NBPF26: variants seen among roughly 807,000 people sequenced by gnomAD.
NBPF26 encodes the protein NBPF family member NBPF26.
A neutral mutation model predicts 119.6 loss-of-function variants in NBPF26; 79 were observed. The ratio of observed to expected loss-of-function variants is 0.66; its 90% CI spans 0.55 to 0.80. The LOEUF is 0.80. NBPF26 is among the 30% of genes least tolerant of loss of function. The pLI is 0.00. For missense variants in NBPF26, 800 were observed against 1,198.2 expected, an observed-to-expected ratio of 0.67 and a Z score of 4.91; for synonymous variants, 299 against 457.7, an observed-to-expected ratio of 0.65 and a Z score of 4.43.
rs1310862933 is a variant in NBPF26, at chr1:120,792,530, C to T, written c.416-631C>T. Among the ~76,000 whole-genome samples the T allele has an allele frequency of 4.5e-5, 5 of 111,440 alleles. 1 individual carries two copies. The highest frequency in any genetic ancestry group is 2.1e-4 in the African/African-American group (4 of 19,064). The allele number at this position is 111,440 out of a possible 152,430, so 73.1% of individuals were successfully genotyped here. A position where few individuals can be genotyped will look rare whatever the true frequency, so the allele number is the denominator to read the frequency against. On this transcript the variant is annotated intron_variant, in intron 3 of 29. Transcript: ENST00000620612. ...GATTTTTTTTTTTTTGAAATAGAGT[C>T]TTGCTGTGTCGCCCAGGCTGGAGTG...
downstream of NBPF26, among the ~76,000 whole-genome samples, chr1:120,842,176 G>T (rs1232555494): frequency 1.0e-4 from 11 of 108,420 alleles, 3 homozygotes; most frequent in Admixed American, 1.8e-4. Context: ...ATTGGTTTTG[G>T]TGGGTACTGA....
chr1:120,747,433 A>G (rs1650989968), intron 1 of NBPF26, among the ~76,000 whole-genome samples: 1 of 28,798 alleles, frequency 3.5e-5, no homozygotes, highest in South Asian at 5.7e-4. Flanking sequence ...TTTTTCTGGC[A>G]TACTGTATAC....
intron 1 of NBPF26, among the ~76,000 whole-genome samples, chr1:120,745,134 CAA>C: frequency 1.2e-5 from 1 of 82,300 alleles, no homozygotes; most frequent in South Asian, 3.4e-4. Context: ...AAAAAAAAAA[CAA>C]AAAAAAAACA....
At chr1:120,808,373 C>A (rs1167207279) in intron 6 of NBPF26, among the ~76,000 whole-genome samples, 172 bp from the exon 7 acceptor site, 2 of 119,490 alleles carry the variant, frequency 1.7e-5, no homozygotes, top group East Asian at 4.1e-4. Context: ...CAGAGGAAGC[C>A]TGTAAACCAT....
rs1156714810 is a variant in NBPF26, at chr1:120,815,229, T to A, written c.2092+186T>A. On this transcript the variant is annotated intron_variant, in intron 12 of 29. Coordinates refer to ENST00000620612, the Ensembl canonical transcript of NBPF26. ...AAACCCATGGGGTTGGAGGTCACAGTATTGCAAGTGTCCCTCCTTCCTTGA... is the reference window on the plus strand; with the variant it reads ...AAACCCATGGGGTTGGAGGTCACAGAATTGCAAGTGTCCCTCCTTCCTTGA... Among the ~76,000 whole-genome samples, 15 of 112,680 alleles carry A rather than the reference T, an allele frequency of 1.3e-4. 3 individuals are homozygous for A. Among genetic ancestry groups the A allele is most frequent in the Non-Finnish European group, 2.2e-4 (13 of 59,476 alleles). 73.9% of individuals were successfully genotyped at this position (112,680 alleles called of 152,430 possible).
At position 120,749,733 on chromosome 1, in the gene NBPF26, G is replaced by GT. The variant is rs1310297240; in HGVS notation, c.74-13880dup. On this transcript the variant is annotated intron_variant, in intron 1 of 29. Transcript: ENST00000620612. ...TCTAAACAATTTCAGTCATAGGGTA[G>GT]TTTTTTTTTTTTTTTCCTGGAGAAA... 3.8e-4 allele frequency among the ~76,000 whole-genome samples: 7 copies of GT among 18,314 alleles called. 1 individual carries two copies. The highest frequency in any genetic ancestry group is 9.8e-4 in the South Asian group (1 of 1,022). The allele number at this position is 18,314 out of a possible 152,430, so 12.0% of individuals were successfully genotyped here. A position where few individuals can be genotyped will look rare whatever the true frequency, so the allele number is the denominator to read the frequency against.
intron 15 of NBPF26, among the ~76,000 whole-genome samples, chr1:120,819,124 T>G (rs1384962491): frequency 8.0e-6 from 1 of 125,534 alleles, no homozygotes; most frequent in Non-Finnish European, 1.6e-5. Flanking sequence ...AATCTCTTTG[T>G]AGGTCTCTCA....
At position 120,809,884 on chromosome 1, in the gene NBPF26, G is replaced by A. The variant is rs1553270743; in HGVS notation, c.1352+1G>A. On this transcript the variant is annotated splice_donor_variant, in intron 8 of 29. Coordinates refer to ENST00000620612, the Ensembl canonical transcript of NBPF26. LOFTEE classifies it high-confidence loss of function. ...AAGTACTGGAATCATCTGCCCCCAGGTAACACTGAATACTCAGGAGCAAGT... is the reference window on the plus strand; with the variant it reads ...AAGTACTGGAATCATCTGCCCCCAGATAACACTGAATACTCAGGAGCAAGT... The A allele has an allele frequency of 0.013, 19,613 of 1,480,164 alleles. 1,282 individuals carry two copies. The highest frequency in any genetic ancestry group is 0.015 in the Non-Finnish European group (16,759 of 1,096,484). The allele number at this position is 1,480,164 out of a possible 1,614,324, so 91.7% of individuals were successfully genotyped here. A position where few individuals can be genotyped will look rare whatever the true frequency, so the allele number is the denominator to read the frequency against.
chr1:120,838,546 GTCTA>G (rs1245915249), intron 27 of NBPF26, among the ~76,000 whole-genome samples, 195 bp from the exon 34 acceptor site: 15 of 79,452 alleles, frequency 1.9e-4, no homozygotes, highest in African/African-American at 8.9e-4. Context: ...GTGTGTGTGT[GTCTA>G]TCTGTCTTTC....
intron 1 of NBPF26, among the ~76,000 whole-genome samples, chr1:120,730,860 C>G (rs1650867725): frequency 3.1e-5 from 1 of 32,128 alleles, no homozygotes; most frequent in Non-Finnish European, 5.1e-5. Context: ...TGTGTTGTCA[C>G]ACTTAATTTG....
At position 120,795,940 on chromosome 1, in the gene NBPF26, GTGTGTGTGTA is replaced by G. The variant is rs1243736146; in HGVS notation, c.751+2446_751+2455del. Among the ~76,000 whole-genome samples the G allele has an allele frequency of 1.6e-4, 4 of 25,618 alleles. 1 individual carries two copies. Among genetic ancestry groups the G allele is most frequent in the Non-Finnish European group, 2.4e-4 (3 of 12,644 alleles). 16.8% of individuals were successfully genotyped at this position (25,618 alleles called of 152,430 possible). ...TCAATATGTGTGTGTGTGTGTGTGT[GTGTGTGTGTA>G]TATGCCGTTGTGCAGATGTTTAAAA... On this transcript the variant is annotated intron_variant, in intron 4 of 29. Transcript: ENST00000620612.
intron 2 of NBPF26, among the ~76,000 whole-genome samples, chr1:120,770,678 A>G (rs1488625608): frequency 2.5e-5 from 3 of 120,608 alleles, no homozygotes; most frequent in Non-Finnish European, 3.2e-5. Context: ...TAATTCACTC[A>G]AGATCCCATC....
intron 10 of NBPF26, among the ~76,000 whole-genome samples, chr1:120,812,896 C>A: frequency 9.0e-6 from 1 of 110,770 alleles, no homozygotes; most frequent in Non-Finnish European, 1.7e-5. Flanking sequence ...GCACTCCAGC[C>A]TGGGCGACAG....
chr1:120,777,659 C>T (rs1350761409), intron 2 of NBPF26, among the ~76,000 whole-genome samples: 1 of 54,820 alleles, frequency 1.8e-5, no homozygotes, highest in Non-Finnish European at 3.0e-5. Flanking sequence ...TTTTTTCTTT[C>T]TTTTTTTTTT....
Position 120,781,863 on chromosome 1 carries a change from G to C in NBPF26, c.156-3111G>C, listed in dbSNP as rs1330265266. Among the ~76,000 whole-genome samples the C allele has an allele frequency of 4.3e-5, 5 of 116,796 alleles. 1 individual carries two copies. Among genetic ancestry groups the C allele is most frequent in the African/African-American group, 2.4e-4 (5 of 20,502 alleles). The allele number at this position is 116,796 out of a possible 152,430, so 76.6% of individuals were successfully genotyped here. On this transcript the variant is annotated intron_variant, in intron 2 of 29. Coordinates refer to ENST00000620612, the Ensembl canonical transcript of NBPF26. ...GTGAGCCACCGCACCTGGCTTAGCT[G>C]TAAAATCTTAATCTTTCTAAGCTTC...
At chr1:120,822,570 G>A (rs1404161129) in intron 16 of NBPF26, among the ~76,000 whole-genome samples, 1 of 113,500 alleles carries the variant, frequency 8.8e-6, no homozygotes, top group Non-Finnish European at 1.8e-5. Context: ...ACATGCCCAG[G>A]AGTTGTCTGT....
chr1:120,756,237 CTTTG>C lies in NBPF26; in HGVS notation c.74-7388_74-7385del, dbSNP rs1157686215. On this transcript the variant is annotated intron_variant, in intron 1 of 29. Coordinates refer to ENST00000620612, the Ensembl canonical transcript of NBPF26. ...CAGGCAGTCATTTTAGAAAACTTTG[CTTTG>C]TTCATTTTACTGAGCCTCTTCCAGA... Among the ~76,000 whole-genome samples, 2 of 113,520 alleles carry C rather than the reference CTTTG, an allele frequency of 1.8e-5. 1 individual carries two copies. The highest frequency in any genetic ancestry group is 3.4e-5 in the Non-Finnish European group (2 of 59,644). 74.5% of individuals were successfully genotyped at this position (113,520 alleles called of 152,430 possible). A position where few individuals can be genotyped will look rare whatever the true frequency, so the allele number is the denominator to read the frequency against.
At chr1:120,785,116 G>T in exon 3 of NBPF26, 1 of 1,446,280 alleles carries the variant, frequency 6.9e-7, no homozygotes, top group Non-Finnish European at 9.2e-7. Context: ...TACAGGAGAG[G>T]ACTGCCAGTA....
At chr1:120,812,828 C>G (rs1250889601) in intron 10 of NBPF26, among the ~76,000 whole-genome samples, 14 of 103,992 alleles carry the variant, frequency 1.3e-4, no homozygotes, top group Non-Finnish European at 2.0e-4. Flanking sequence ...GAGGCTGAGG[C>G]AGGAGAATCC....
Sources: allele counts gnomAD v4.1 joint callset (sites outside exome capture counted in the v4.1 genomes callset), GRCh38; gene constraint gnomAD v4.1.1; transcripts MANE v1.5; gene names NCBI Gene and HGNC (gene_info 2026-07-23, HGNC 2026-07-21).